Variants in RASGRF2 observed in about 807,000 individuals in gnomAD.
RASGRF2 encodes the protein ras-specific guanine nucleotide-releasing factor 2.
Under a neutral mutation model 151.0 loss-of-function variants are expected in RASGRF2, and 76 were observed. That is an observed-to-expected ratio of 0.50 (90% CI 0.42 to 0.61). The LOEUF is 0.61. Ranked by LOEUF, RASGRF2 falls within the 20% of genes least tolerant of loss-of-function variation. RASGRF2 has a pLI of 0.00. For synonymous variants in RASGRF2, 504 were observed against 566.5 expected, an observed-to-expected ratio of 0.89 and a Z score of 1.57; for missense variants, 1,148 against 1,564.6, an observed-to-expected ratio of 0.73 and a Z score of 4.49.
chr5:81,128,248 A>G (rs1270271729), intron 17 of RASGRF2, among the ~76,000 whole-genome samples: 1 of 152,198 alleles, frequency 6.6e-6, no homozygotes, highest in Non-Finnish European at 1.5e-5. Flanking sequence ...AATGTACCGC[A>G]TACTTGAAAA....
intron 17 of RASGRF2, among the ~76,000 whole-genome samples, chr5:81,134,651 G>A (rs1048007034): frequency 6.6e-6 from 1 of 152,214 alleles, no homozygotes; most frequent in Non-Finnish European, 1.5e-5. Flanking sequence ...CAGTGAACTA[G>A]TATAATGTCT....
intron 17 of RASGRF2, among the ~76,000 whole-genome samples, chr5:81,129,144 A>G (rs1419457246): frequency 6.6e-6 from 1 of 152,220 alleles, no homozygotes. Context: ...AAATAAGTAA[A>G]TAAATAAATA....
intron 18 of RASGRF2, among the ~76,000 whole-genome samples, chr5:81,194,253 G>A (rs976406782): frequency 6.6e-6 from 1 of 151,724 alleles, no homozygotes; most frequent in African/African-American, 2.4e-5. Flanking sequence ...CTACTTGGGA[G>A]GCCGAGGTGG....
At chr5:81,045,005 T>C (rs977678022) in intron 2 of RASGRF2, among the ~76,000 whole-genome samples, 1 of 152,182 alleles carries the variant, frequency 6.6e-6, no homozygotes, top group African/African-American at 2.4e-5. Context: ...CCAGGAGAGC[T>C]TGCCACGAGT....
At chr5:81,012,809 G>A (rs55733183) in intron 1 of RASGRF2, among the ~76,000 whole-genome samples, 8,632 of 152,104 alleles carry the variant, frequency 0.057, 350 homozygotes, top group African/African-American at 0.12. Flanking sequence ...CCCAAGCTTG[G>A]GTTATGGATG....
chr5:81,097,478 C>T (rs1380281748), intron 12 of RASGRF2, among the ~76,000 whole-genome samples: 1 of 151,920 alleles, frequency 6.6e-6, no homozygotes, highest in Non-Finnish European at 1.5e-5. Flanking sequence ...TGGGGAAGAC[C>T]AAAAATAAAT....
At chr5:80,970,744 C>G (rs893962116) in intron 1 of RASGRF2, among the ~76,000 whole-genome samples, 2 of 152,142 alleles carry the variant, frequency 1.3e-5, no homozygotes, top group African/African-American at 4.8e-5. Flanking sequence ...GGCTTAACTG[C>G]GAAACAGCAG....
chr5:80,980,156 C>T (rs1214178236), intron 1 of RASGRF2, among the ~76,000 whole-genome samples: 1 of 152,198 alleles, frequency 6.6e-6, no homozygotes, highest in African/African-American at 2.4e-5. Context: ...CCATTCAGCA[C>T]TCATGGATAA....
chr5:81,091,874 A>G (rs955272216), intron 9 of RASGRF2, among the ~76,000 whole-genome samples: 45 of 152,290 alleles, frequency 3.0e-4, no homozygotes, highest in East Asian at 5.8e-4. Flanking sequence ...TGAGGGTAAT[A>G]TGAGCCTGCA....
At position 81,034,941 on chromosome 5, in the gene RASGRF2, G is replaced by A. The variant is rs1401854809; in HGVS notation, c.289-7936G>A. 2.0e-5 allele frequency among the ~76,000 whole-genome samples: 3 copies of A among 151,802 alleles called. No homozygotes were observed. In the East Asian group the frequency reaches 5.8e-4, roughly 29 times the overall value. On this transcript the variant is annotated intron_variant, in intron 1 of 26. Coordinates refer to ENST00000265080, the MANE Select transcript of RASGRF2 (RefSeq NM_006909.3). ...GTGCACATGTACCCTAAAACTTAAA[G>A]TATAATAAAAATAAAAAAAAAGTCA...
intron 1 of RASGRF2, among the ~76,000 whole-genome samples, chr5:80,968,023 T>C (rs374830886): frequency 5.3e-5 from 8 of 152,258 alleles, no homozygotes; most frequent in African/African-American, 1.9e-4. Flanking sequence ...TTTCTCTTTC[T>C]AAGCCTGGCT....
intron 1 of RASGRF2, among the ~76,000 whole-genome samples, chr5:80,973,051 T>C (rs947283480): frequency 3.3e-5 from 5 of 152,226 alleles, no homozygotes; most frequent in Non-Finnish European, 7.3e-5. Flanking sequence ...CTAAACTTTA[T>C]GTAGTATAAG....
At chr5:81,224,728 A>G (rs997002933) in intron 26 of RASGRF2, among the ~76,000 whole-genome samples, 1 of 152,252 alleles carries the variant, frequency 6.6e-6, no homozygotes, top group African/African-American at 2.4e-5. Context: ...CTACTGGTAC[A>G]GGCCACAGCA....
At chr5:81,022,841 C>T (rs1184644407) in intron 1 of RASGRF2, among the ~76,000 whole-genome samples, 1 of 152,156 alleles carries the variant, frequency 6.6e-6, no homozygotes, top group East Asian at 1.9e-4. Context: ...AGTGTTTCAC[C>T]GCTGTGACAT....
chr5:81,123,423 G>A (rs1009191791), intron 15 of RASGRF2, among the ~76,000 whole-genome samples: 2 of 152,206 alleles, frequency 1.3e-5, no homozygotes, highest in African/African-American at 4.8e-5. Flanking sequence ...GCTGGCCAGG[G>A]TCAGCTAGGG....
chr5:81,180,075 T>C, intron 17 of RASGRF2, 100 bp from the exon 18 acceptor site: 1 of 690,356 alleles, frequency 1.4e-6, no homozygotes. Flanking sequence ...AAGTGTCATC[T>C]GTGAGTTTCG....
chr5:80,977,909 T>G (rs1748177779), intron 1 of RASGRF2, among the ~76,000 whole-genome samples: 2 of 152,208 alleles, frequency 1.3e-5, no homozygotes, highest in Admixed American at 1.3e-4. Context: ...TCAGCCTAGT[T>G]TGTAAGCATG....
intron 17 of RASGRF2, among the ~76,000 whole-genome samples, chr5:81,140,402 C>T (rs1753855815): frequency 6.6e-6 from 1 of 150,500 alleles, no homozygotes. Flanking sequence ...GTCCCAAGTC[C>T]TATTTTTAAA....
In RASGRF2 at chr5:81,092,888, G is replaced by A; in HGVS notation, c.1478G>A (p.Arg493Lys). 6.2e-7 allele frequency: 1 copy of A among 1,612,536 alleles called. No homozygotes were observed. Among genetic ancestry groups the A allele is most frequent in the Non-Finnish European group, 8.5e-7 (1 of 1,178,590 alleles). Residue 493 changes from arginine to lysine, a missense_variant, in exon 10 of 27, where the codon AGA (arginine) becomes AAA (lysine). By Grantham distance (26) the Arg-to-Lys change is conservative. Around this residue, in one of 5 missense-constraint regions of RASGRF2, gnomAD observed 646 missense variants for 807.4 expected, o/e 0.80. Coordinates refer to ENST00000265080, the MANE Select transcript of RASGRF2 (RefSeq NM_006909.3). ...GSLSLKKEGE[R>K]QCFLFTKHFL... Reference sequence around the variant, plus strand: ...TTGTCTTTGAAAAAGGAAGGAGAGAGACAATGCTTCTTATTTACAAAACAC... The same window carrying A: ...TTGTCTTTGAAAAAGGAAGGAGAGAAACAATGCTTCTTATTTACAAAACAC...
Sources: allele counts gnomAD v4.1 joint callset (sites outside exome capture counted in the v4.1 genomes callset), GRCh38; gene constraint gnomAD v4.1.1; regional missense constraint gnomAD v4.1.1; transcripts MANE v1.5; gene names NCBI Gene and HGNC (gene_info 2026-07-23, HGNC 2026-07-21).